The following TSC1 variants were observed in gnomAD, a reference collection of about 807,000 sequenced individuals.
The protein encoded by TSC1 is hamartin.
TSC1 carries 20 observed loss-of-function variants against 124.3 expected under a neutral mutation model. The ratio of observed to expected loss-of-function variants is 0.16; its 90% CI spans 0.11 to 0.23. TSC1 has a LOEUF of 0.23. Among genes scored for constraint, TSC1 ranks in the 10% least tolerant of loss-of-function variants. The pLI, the probability that TSC1 is intolerant of heterozygous loss-of-function variation, is 1.00. For missense variants in TSC1, 1,124 were observed against 1,448.5 expected (o/e 0.78, Z 3.64); for synonymous variants, 493 against 539.1 (o/e 0.91, Z 1.19).
chr9:132,909,730 T>C (rs1845844878), intron 12 of TSC1: 1 of 152,250 alleles, frequency 6.6e-6, no homozygotes, highest in African/African-American at 2.4e-5. Context: ...CCACGAAGAA[T>C]ATTACACATA....
chr9:132,920,774 C>A (rs1470663128), intron 8 of TSC1, among the ~76,000 whole-genome samples: 1 of 152,020 alleles, frequency 6.6e-6, no homozygotes, highest in Admixed American at 6.5e-5. Flanking sequence ...ACAGCTCAGT[C>A]TGTAAATTTC....
chr9:132,940,945 T>C (rs1422298664), intron 1 of TSC1: 2 of 152,186 alleles, frequency 1.3e-5, no homozygotes, highest in African/African-American at 4.8e-5. Context: ...TTGCAGACAT[T>C]AAGGTCACTG....
chr9:132,900,643 C>T, intron 20 of TSC1, 72 bp downstream of exon 20: 4 of 1,608,778 alleles, frequency 2.5e-6, no homozygotes, highest in Non-Finnish European at 3.4e-6. Flanking sequence ...TTCTCTATGC[C>T]ATGCGGGAGA....
intron 5 of TSC1, 57 bp downstream of exon 5, chr9:132,925,530 A>G: frequency 6.2e-7 from 1 of 1,610,216 alleles, no homozygotes; most frequent in Admixed American, 1.7e-5. Context: ...AGTTGCCTAA[A>G]ATTTCAGAAA....
chr9:132,905,880 A>G lies in TSC1; in HGVS notation c.1698T>C (p.Pro566=), dbSNP rs2131831391. 6.2e-7 allele frequency: 1 copy of G among 1,612,366 alleles called. No homozygotes were observed. The highest frequency in any genetic ancestry group is 1.1e-5 in the South Asian group (1 of 91,066). Residue 566 remains proline, a synonymous_variant, in exon 15 of 23, where the codon CCT becomes CCC. Coordinates refer to ENST00000298552, the MANE Select transcript of TSC1 (RefSeq NM_000368.5). ...DLPCGSADES[P]AGDRECQTSL... ...AAGTCTGGCATTCCCTGTCTCCCGC[A>G]GGGCTTTCATCAGCACTGCCGCAGG...
intron 15 of TSC1, among the ~76,000 whole-genome samples, 194 bp from the exon 16 acceptor site, chr9:132,904,648 G>A (rs959322736): frequency 5.9e-5 from 9 of 152,186 alleles, no homozygotes; most frequent in South Asian, 2.1e-4. Context: ...GGCGGCCCTC[G>A]CCCCACTGCC....
Position 132,923,861 on chromosome 9 carries a change from G to C in TSC1, c.364-369C>G, listed in dbSNP as rs1846704346. Reference sequence around the variant, plus strand: ...CTTTTCAACAAAACACAGGAGCACTGCTCTGTTTCATTCATTCAACCAAAT... The same window carrying C: ...CTTTTCAACAAAACACAGGAGCACTCCTCTGTTTCATTCATTCAACCAAAT... On this transcript the variant is annotated intron_variant, in intron 5 of 22. Coordinates refer to ENST00000298552, the MANE Select transcript of TSC1 (RefSeq NM_000368.5). The surrounding 1 kb of genome is among the most constrained non-coding windows in gnomAD (Gnocchi z 4.2). Among the ~76,000 whole-genome samples, 1 of 151,704 alleles carries C rather than the reference G, an allele frequency of 6.6e-6. No individual in the cohort carries two copies.
Position 132,921,294 on chromosome 9 carries a change from G to T in TSC1, c.737+69C>A, listed in dbSNP as rs2132130158. On this transcript the variant is annotated intron_variant, in intron 8 of 22. Coordinates refer to ENST00000298552, the MANE Select transcript of TSC1 (RefSeq NM_000368.5). The surrounding 1 kb of genome is among the most constrained non-coding windows in gnomAD (Gnocchi z 4.3). ...ATATTCCCAAATATACCTCAACAGG[G>T]ATTACCTCCTAGATCACATTTTCAA... 2 of 1,510,522 alleles carry T rather than the reference G, an allele frequency of 1.3e-6. No homozygotes were observed. The highest frequency in any genetic ancestry group is 1.1e-5 in the South Asian group (1 of 87,910). The allele number at this position is 1,510,522 out of a possible 1,614,324, so 93.6% of individuals were successfully genotyped here.
In TSC1 at chr9:132,894,290, A is replaced by G. The variant is rs1318104414; in HGVS notation, c.*1945T>C. 4.3e-6 allele frequency: 1 copy of G among 231,078 alleles called. No individual in the cohort carries two copies. The highest frequency in any genetic ancestry group is 2.2e-5 in the African/African-American group (1 of 45,170). 14.3% of individuals were successfully genotyped at this position (231,078 alleles called of 1,614,324 possible). ...CAGGAAAAGGCTTTAAGTGCCTGGT[A>G]TCTTGTTCTATGGCACAGATCTCTT... On this transcript the variant is annotated 3_prime_UTR_variant, in exon 23 of 23. Transcript: ENST00000298552.
At chr9:132,938,318 G>C (rs1375905834) in intron 1 of TSC1, among the ~76,000 whole-genome samples, 2 of 152,206 alleles carry the variant, frequency 1.3e-5, no homozygotes, top group Non-Finnish European at 2.9e-5. Flanking sequence ...CAGAACACCA[G>C]TGTCAATCCA....
rs2131725887 is a variant in TSC1, at chr9:132,902,550, C to T, written c.2391+55G>A. ...CCCAGGGAAACTGACTGCCTCCCTC[C>T]CCACTGCTCTCCGGCATTCTCGCAG... On this transcript the variant is annotated intron_variant, in intron 18 of 22. Transcript: ENST00000298552. This position sits in a 1 kb window ranked among gnomAD's most constrained non-coding sequence, Gnocchi z 5.2. 1 of 1,606,946 alleles carries T rather than the reference C, an allele frequency of 6.2e-7. No homozygotes were observed. Among genetic ancestry groups the T allele is most frequent in the Non-Finnish European group, 8.5e-7 (1 of 1,174,914 alleles).
chr9:132,933,647 T>C (rs1234981558), intron 2 of TSC1, among the ~76,000 whole-genome samples: 2 of 152,198 alleles, frequency 1.3e-5, no homozygotes, highest in East Asian at 3.9e-4. Flanking sequence ...GAGATGATAC[T>C]ACACATGTGA....
intron 1 of TSC1, among the ~76,000 whole-genome samples, chr9:132,935,382 A>G (rs563928275): frequency 1.3e-5 from 2 of 152,332 alleles, no homozygotes; most frequent in South Asian, 4.1e-4. Flanking sequence ...AGGCCCTAGA[A>G]TTAGAGAGTT....
intron 2 of TSC1, among the ~76,000 whole-genome samples, chr9:132,933,203 T>C (rs1304032141): frequency 6.6e-6 from 1 of 152,156 alleles, no homozygotes; most frequent in African/African-American, 2.4e-5. Flanking sequence ...GTAGCTGAGA[T>C]TATAGGCGCA....
rs1286844242 is a variant in TSC1 at position 132,895,097 on chromosome 9, C to T, written c.*1138G>A. On this transcript the variant is annotated 3_prime_UTR_variant, in exon 23 of 23. Transcript: ENST00000298552. ...AACATGGAGAGTGTGATGACATCAG[C>T]TCCCTGGAGAGTCAGCCCCTGAAAG... The T allele has an allele frequency of 4.3e-6, 1 of 233,050 alleles. No homozygotes were observed. The highest frequency in any genetic ancestry group is 8.5e-6 in the Non-Finnish European group (1 of 117,736). The allele number at this position is 233,050 out of a possible 1,614,324, so 14.4% of individuals were successfully genotyped here. A position where few individuals can be genotyped will look rare whatever the true frequency, so the allele number is the denominator to read the frequency against.
chr9:132,940,175 G>A (rs1424627872), intron 1 of TSC1, among the ~76,000 whole-genome samples: 1 of 151,518 alleles, frequency 6.6e-6, no homozygotes, highest in African/African-American at 2.4e-5. Context: ...ATTTAACAAA[G>A]TAATTTATAA....
chr9:132,933,529 C>G (rs1009045573), intron 2 of TSC1, among the ~76,000 whole-genome samples: 1 of 152,128 alleles, frequency 6.6e-6, no homozygotes, highest in East Asian at 1.9e-4. Context: ...TGAGGCTTGC[C>G]AAGCTATGAA....
chr9:132,920,561 C>G (rs1052768444), intron 8 of TSC1, among the ~76,000 whole-genome samples: 1 of 152,080 alleles, frequency 6.6e-6, no homozygotes, highest in Non-Finnish European at 1.5e-5. Context: ...GGCTGAGGCT[C>G]TGTGTGGTAG....
At position 132,910,650 on chromosome 9, in the gene TSC1, G is replaced by A. The variant is rs1845904421; in HGVS notation, c.1184C>T (p.Pro395Leu). 6.2e-7 allele frequency: 1 copy of A among 1,614,144 alleles called. No homozygotes were observed. The highest frequency in any genetic ancestry group is 8.5e-7 in the Non-Finnish European group (1 of 1,180,052). Reference sequence around the variant, plus strand: ...CGAATGACAGAGTGGGGCTGGAGGAGGAGAGGTTGCTGGGGTTCCCAGAGG... The same window carrying A: ...CGAATGACAGAGTGGGGCTGGAGGAAGAGAGGTTGCTGGGGTTCCCAGAGG... The part of the protein sequence containing the change: ...GTPLGTPATS[P>L]PPAPLCHSDD... The change falls in exon 12 of 23, where the codon CCT becomes CTT. Residue 395 changes from proline to leucine, a missense_variant. Physicochemically the swap from Pro to Leu is moderately conservative, Grantham distance 98. Coordinates refer to ENST00000298552, the MANE Select transcript of TSC1 (RefSeq NM_000368.5).
Sources: gnomAD v4.1 joint callset for allele counts (sites outside exome capture counted in the v4.1 genomes callset) on GRCh38, gnomAD v4.1.1 for gene constraint, Gnocchi (gnomAD v3.1) non-coding constraint, MANE v1.5 for transcripts, NCBI Gene and HGNC (gene_info 2026-07-23, HGNC 2026-07-21) for gene names.